Variants in OPCML observed in about 807,000 individuals in gnomAD.
OPCML encodes the protein opioid-binding protein/cell adhesion molecule.
A neutral mutation model predicts 37.8 loss-of-function variants in OPCML; 13 were observed. That is an observed-to-expected ratio of 0.34 (90% CI 0.22 to 0.55). The LOEUF (loss-of-function observed/expected upper bound fraction) is 0.55. OPCML is among the 20% of genes least tolerant of loss of function. The probability of loss-of-function intolerance (pLI) is 0.91; values close to 1 mark genes in which losing one functional copy is unlikely to be tolerated. For missense variants in OPCML, 341 were observed against 435.6 expected, an observed-to-expected ratio of 0.78 and a Z score of 1.93; for synonymous variants, 176 against 168.8, an observed-to-expected ratio of 1.04 and a Z score of -0.33.
intron 1 of OPCML, among the ~76,000 whole-genome samples, chr11:133,440,596 A>G (rs1314754552): frequency 6.9e-6 from 1 of 145,080 alleles, no homozygotes; most frequent in Non-Finnish European, 1.5e-5. Context: ...GCATGGTGGC[A>G]GGTGCCTGTA....
intron 4 of OPCML, among the ~76,000 whole-genome samples, chr11:132,479,494 C>T (rs1481088202): frequency 2.6e-5 from 4 of 152,226 alleles, no homozygotes; most frequent in Admixed American, 1.3e-4. Flanking sequence ...ACAAAGCAGC[C>T]AGAAAGCTCG....
At chr11:132,601,893 T>C (rs1937938669) in intron 3 of OPCML, among the ~76,000 whole-genome samples, 1 of 152,172 alleles carries the variant, frequency 6.6e-6, no homozygotes. Context: ...ACACTACAGT[T>C]ACACAGGGGC....
intron 4 of OPCML, among the ~76,000 whole-genome samples, chr11:132,474,106 T>A (rs2096146871): frequency 6.6e-6 from 1 of 152,098 alleles, no homozygotes; most frequent in Admixed American, 6.6e-5. Context: ...AGGGGACGAC[T>A]GGCCTACATT....
intron 1 of OPCML, among the ~76,000 whole-genome samples, chr11:133,062,565 G>A (rs1378952506): frequency 6.6e-6 from 1 of 152,052 alleles, no homozygotes; most frequent in African/African-American, 2.4e-5. Context: ...TCTTGGTTCA[G>A]AACGTTGCAC....
rs2508977 is a variant in OPCML, at chr11:132,511,419, C to A, written c.505+17642G>T. On this transcript the variant is annotated intron_variant, in intron 4 of 7. Coordinates refer to ENST00000524381, the MANE Select transcript of OPCML (RefSeq NM_001012393.5). ...ATCTTTTTGGTAAATATTGTCAAAC[C>A]GATTATAAAATTATATGAAAATACA... Among the ~76,000 whole-genome samples the A allele has an allele frequency of 3.2e-4, 49 of 151,822 alleles. No homozygotes were observed. The East Asian group carries it at 9.3e-3, about 29-fold the overall frequency.
At chr11:132,887,141 G>A (rs564122343) in intron 2 of OPCML, among the ~76,000 whole-genome samples, 3 of 152,174 alleles carry the variant, frequency 2.0e-5, no homozygotes, top group South Asian at 2.1e-4. Context: ...TGGTGGTCTC[G>A]TAGGACCATA....
intron 1 of OPCML, among the ~76,000 whole-genome samples, chr11:133,148,069 C>T (rs779072412): frequency 6.6e-6 from 1 of 152,224 alleles, no homozygotes; most frequent in Non-Finnish European, 1.5e-5. Flanking sequence ...AGCTTTTCCA[C>T]TGTCTGCCCC....
intron 1 of OPCML, chr11:133,419,162 G>T: frequency 1.3e-6 from 1 of 763,624 alleles, no homozygotes; most frequent in Non-Finnish European, 1.6e-6. Context: ...CTTCTCTACT[G>T]CAATAGCACA....
intron 1 of OPCML, among the ~76,000 whole-genome samples, chr11:133,040,748 G>A (rs75460389): frequency 0.015 from 2,263 of 152,190 alleles, 61 homozygotes; most frequent in African/African-American, 0.052. Context: ...ATGTGACTGC[G>A]TCTCTCTGTG....
chr11:133,022,772 C>T (rs747430033), intron 1 of OPCML, among the ~76,000 whole-genome samples: 14 of 152,112 alleles, frequency 9.2e-5, no homozygotes, highest in African/African-American at 1.7e-4. Context: ...GTCACACAAT[C>T]GATAAGTGGC....
At chr11:132,450,331 C>T (rs77354748) in intron 4 of OPCML, among the ~76,000 whole-genome samples, 224 of 152,296 alleles carry the variant, frequency 1.5e-3, no homozygotes, top group African/African-American at 5.1e-3. Context: ...CAAAGAGGAA[C>T]GCAAGGTGAC....
intron 1 of OPCML, chr11:133,024,830 T>C: frequency 1.0e-6 from 1 of 985,432 alleles, no homozygotes; most frequent in Non-Finnish European, 1.2e-6. Context: ...CTGGGTGACC[T>C]GGTGAGGGAA....
chr11:132,597,042 T>A (rs2096493503), intron 3 of OPCML, among the ~76,000 whole-genome samples: 1 of 152,192 alleles, frequency 6.6e-6, no homozygotes. Flanking sequence ...GCAAATAGCA[T>A]TTATTGAGAC....
intron 1 of OPCML, among the ~76,000 whole-genome samples, chr11:133,112,250 C>T (rs1429118697): frequency 1.7e-5 from 2 of 118,156 alleles, no homozygotes; most frequent in Non-Finnish European, 3.3e-5. Context: ...AACAAGACTC[C>T]AACCTTTTGA....
At chr11:133,145,981 T>C (rs1949891549) in intron 1 of OPCML, among the ~76,000 whole-genome samples, 1 of 152,246 alleles carries the variant, frequency 6.6e-6, no homozygotes, top group Non-Finnish European at 1.5e-5. Context: ...TAGACATTTC[T>C]AACAATGGTA....
intron 2 of OPCML, among the ~76,000 whole-genome samples, chr11:132,751,244 G>A (rs902570423): frequency 2.0e-5 from 3 of 152,018 alleles, no homozygotes; most frequent in Admixed American, 2.0e-4. Context: ...TGTATTTTTG[G>A]TTTACTCCTT....
chr11:132,932,696 T>C (rs1215533322), intron 2 of OPCML, among the ~76,000 whole-genome samples: 2 of 94,760 alleles, frequency 2.1e-5, no homozygotes, highest in African/African-American at 9.1e-5. Flanking sequence ...ATATATTATA[T>C]ATATATATAT....
At chr11:132,978,490 T>C (rs1946512437) in intron 1 of OPCML, among the ~76,000 whole-genome samples, 1 of 152,160 alleles carries the variant, frequency 6.6e-6, no homozygotes, top group African/African-American at 2.4e-5. Context: ...AAAGAAGTGA[T>C]ACTCATACTG....
At chr11:133,531,745 G>T (rs1250810074) in intron 1 of OPCML, among the ~76,000 whole-genome samples, 1 of 49,858 alleles carries the variant, frequency 2.0e-5, no homozygotes, top group South Asian at 7.5e-4. Flanking sequence ...GGTGGAGAGG[G>T]AGAGAGAGAG....
Sources: allele counts gnomAD v4.1 joint callset (sites outside exome capture counted in the v4.1 genomes callset), GRCh38; gene constraint gnomAD v4.1.1; transcripts MANE v1.5; gene names NCBI Gene and HGNC (gene_info 2026-07-23, HGNC 2026-07-21).